The following TMEM245 variants were observed in gnomAD, a reference collection of about 807,000 sequenced individuals.
TMEM245 encodes the protein transmembrane protein 245.
Under a neutral mutation model 101.2 loss-of-function variants are expected in TMEM245, and 69 were observed. The ratio of observed to expected loss-of-function variants is 0.68; its 90% confidence interval spans 0.56 to 0.83. The LOEUF (loss-of-function observed/expected upper bound fraction) is 0.83, where lower values mean the gene tolerates loss of function less well. Ranked by LOEUF, TMEM245 falls within the 40% of genes least tolerant of loss-of-function variation. TMEM245 has a pLI of 0.00. For synonymous variants in TMEM245, 537 were observed against 449.8 expected (o/e 1.19, Z -2.45); for missense variants, 1,075 against 1,092.8 (o/e 0.98, Z 0.23).
intron 8 of TMEM245, among the ~76,000 whole-genome samples, chr9:109,073,821 C>T (rs1475531284): frequency 7.0e-6 from 1 of 142,584 alleles, no homozygotes; most frequent in Non-Finnish European, 1.5e-5. Context: ...CAGTGTGAGA[C>T]AAACAGGCAA....
At chr9:109,045,064 T>G (rs905602604) in intron 14 of TMEM245, among the ~76,000 whole-genome samples, 5 of 152,190 alleles carry the variant, frequency 3.3e-5, no homozygotes, top group Non-Finnish European at 5.9e-5. Flanking sequence ...CTGGCCTCAT[T>G]TCTTTTGTTG....
intron 7 of TMEM245, among the ~76,000 whole-genome samples, chr9:109,084,983 G>A (rs1829789295): frequency 2.6e-5 from 4 of 152,096 alleles, no homozygotes; most frequent in Non-Finnish European, 4.4e-5. Flanking sequence ...TTTTCAAGAA[G>A]TACTACATCT....
chr9:109,018,258 CA>C lies in TMEM245; in HGVS notation c.*2201del, dbSNP rs1380231517. 1 of 152,156 alleles carries C rather than the reference CA, an allele frequency of 6.6e-6. No individual in the cohort carries two copies. The highest frequency in any genetic ancestry group is 1.5e-5 in the Non-Finnish European group (1 of 68,020). The allele number at this position is 152,156 out of a possible 1,614,324, so 9.4% of individuals were successfully genotyped here. ...TCAACCAGTATATAATTAACAAAAACAAATGATTTTTTAGCCTTTTAATGCA... is the reference window on the plus strand; with the variant it reads ...TCAACCAGTATATAATTAACAAAAACAATGATTTTTTAGCCTTTTAATGCA... On this transcript the variant is annotated 3_prime_UTR_variant, in exon 18 of 18. Transcript: ENST00000374586.
intron 14 of TMEM245, among the ~76,000 whole-genome samples, chr9:109,045,372 G>C (rs1221486098): frequency 2.0e-5 from 3 of 152,030 alleles, no homozygotes; most frequent in Non-Finnish European, 4.4e-5. Flanking sequence ...AGGGCACAGG[G>C]GATGAGCTGC....
chr9:109,060,462 A>T lies in TMEM245; in HGVS notation c.1624-10T>A. 6 of 1,582,252 alleles carry T rather than the reference A, an allele frequency of 3.8e-6. No individual in the cohort carries two copies. Among genetic ancestry groups the T allele is most frequent in the Non-Finnish European group, 5.2e-6 (6 of 1,152,944 alleles). ...CTAGAATTTTATGGAGCTAGAAAAAAACACAGATACGACGTGGTACAATAT... is the reference window on the plus strand; with the variant it reads ...CTAGAATTTTATGGAGCTAGAAAAATACACAGATACGACGTGGTACAATAT... On this transcript the variant is annotated splice_polypyrimidine_tract_variant and intron_variant, in intron 10 of 17. Coordinates refer to ENST00000374586, the MANE Select transcript of TMEM245 (RefSeq NM_032012.4).
intron 12 of TMEM245, 34 bp downstream of exon 12, chr9:109,057,157 G>T: frequency 6.3e-7 from 1 of 1,596,916 alleles, no homozygotes; most frequent in Non-Finnish European, 8.6e-7. Flanking sequence ...TTTTTATTTT[G>T]AACTTCAGCT....
At chr9:109,087,368 A>T (rs1829874037) in intron 5 of TMEM245, 26 bp from the exon 6 acceptor site, 2 of 1,559,302 alleles carry the variant, frequency 1.3e-6, no homozygotes, top group Non-Finnish European at 1.7e-6. Flanking sequence ...AAATACATAT[A>T]TAAACAAAAT....
At chr9:109,048,162 G>A (rs896051839) in intron 14 of TMEM245, among the ~76,000 whole-genome samples, 1 of 152,150 alleles carries the variant, frequency 6.6e-6, no homozygotes, top group African/African-American at 2.4e-5. Flanking sequence ...GTGGATACCT[G>A]AGGACACTAT....
At chr9:109,040,819 C>G (rs992519435) in intron 14 of TMEM245, among the ~76,000 whole-genome samples, 2 of 151,996 alleles carry the variant, frequency 1.3e-5, no homozygotes, top group African/African-American at 4.8e-5. Context: ...AGATCTACTA[C>G]AACTTGCTTA....
chr9:109,065,989 G>C (rs866402550), intron 9 of TMEM245, among the ~76,000 whole-genome samples: 11 of 152,304 alleles, frequency 7.2e-5, no homozygotes, highest in Admixed American at 1.3e-4. Context: ...CAAAGTCATG[G>C]TGCCTAGGAA....
intron 14 of TMEM245, among the ~76,000 whole-genome samples, chr9:109,041,294 A>G (rs1422311691): frequency 3.3e-5 from 5 of 152,038 alleles, no homozygotes; most frequent in Non-Finnish European, 5.9e-5. Flanking sequence ...CCCCCCCAAA[A>G]GAAGGAAATC....
At chr9:109,117,354 G>A (rs1267017621) in intron 1 of TMEM245, among the ~76,000 whole-genome samples, 1 of 151,844 alleles carries the variant, frequency 6.6e-6, no homozygotes, top group Admixed American at 6.6e-5. Context: ...CTAACCTCAG[G>A]TGATCCACCC....
intron 17 of TMEM245, among the ~76,000 whole-genome samples, chr9:109,021,980 CA>C (rs1408735125): frequency 3.9e-5 from 6 of 152,146 alleles, no homozygotes; most frequent in African/African-American, 1.4e-4. Context: ...ATAAAATAAA[CA>C]ATCTGAACTT....
chr9:109,038,185 G>T (rs1371831860), intron 14 of TMEM245, 68 bp from the exon 15 acceptor site: 1 of 1,205,190 alleles, frequency 8.3e-7, no homozygotes, highest in Non-Finnish European at 1.2e-6. Context: ...GAAAAATCAC[G>T]TGACCACTTG....
chr9:109,055,116 CTATCT>C (rs545194655), intron 12 of TMEM245, among the ~76,000 whole-genome samples: 37 of 152,296 alleles, frequency 2.4e-4, no homozygotes, highest in African/African-American at 8.2e-4. Context: ...TCTTTATCAT[CTATCT>C]TAATATGATT....
chr9:109,043,464 G>A (rs1027090835), intron 14 of TMEM245, among the ~76,000 whole-genome samples: 3 of 152,104 alleles, frequency 2.0e-5, no homozygotes, highest in Non-Finnish European at 2.9e-5. Context: ...GACTATATAC[G>A]CTTCCTCCAC....
chr9:109,093,783 ACT>A (rs1302893200), intron 3 of TMEM245, among the ~76,000 whole-genome samples, 192 bp from the exon 4 acceptor site: 7 of 152,046 alleles, frequency 4.6e-5, no homozygotes, highest in Non-Finnish European at 1.0e-4. Context: ...AAATCCCTTG[ACT>A]CTCTGTATAC....
intron 1 of TMEM245, among the ~76,000 whole-genome samples, chr9:109,116,297 T>C (rs954301490): frequency 1.3e-5 from 2 of 152,168 alleles, no homozygotes; most frequent in Non-Finnish European, 2.9e-5. Flanking sequence ...CTGTGAACTG[T>C]GGGATGGAAA....
chr9:109,018,639 G>A lies in TMEM245; in HGVS notation c.*1821C>T, dbSNP rs754303228. ...ATTTAAACTAATTATAATTATCAGT[G>A]ACTTCTTAGGGAGATGTTTTAGGAA... On this transcript the variant is annotated 3_prime_UTR_variant, in exon 18 of 18. Coordinates refer to ENST00000374586, the MANE Select transcript of TMEM245 (RefSeq NM_032012.4). The A allele has an allele frequency of 1.3e-5, 2 of 152,046 alleles. No homozygotes were observed. The highest frequency in any genetic ancestry group is 2.9e-5 in the Non-Finnish European group (2 of 68,016). 9.4% of individuals were successfully genotyped at this position (152,046 alleles called of 1,614,324 possible).
Sources: gnomAD v4.1 joint callset for allele counts (sites outside exome capture counted in the v4.1 genomes callset) on GRCh38, gnomAD v4.1.1 for gene constraint, MANE v1.5 for transcripts, NCBI Gene and HGNC (gene_info 2026-07-23, HGNC 2026-07-21) for gene names.